The following NUP214 variants were observed in gnomAD, a reference collection of about 807,000 sequenced individuals.
NUP214 encodes the protein nuclear pore complex protein Nup214.
Under a neutral mutation model 196.2 loss-of-function variants are expected in NUP214, and 79 were observed. The observed-to-expected ratio is 0.40, with a 90% CI of 0.34 to 0.49. The LOEUF (loss-of-function observed/expected upper bound fraction) is 0.49, where lower values mean the gene tolerates loss of function less well. Ranked by LOEUF, NUP214 falls within the 20% of genes least tolerant of loss-of-function variation. NUP214 has a pLI of 0.58. For missense variants in NUP214, 2,468 were observed against 2,539.0 expected, an observed-to-expected ratio of 0.97 and a Z score of 0.60; for synonymous variants, 1,020 against 990.5, an observed-to-expected ratio of 1.03 and a Z score of -0.56.
intron 17 of NUP214, among the ~76,000 whole-genome samples, chr9:131,156,427 CGGCTGAGCATG>C (rs937038249): frequency 1.3e-5 from 2 of 151,588 alleles, no homozygotes; most frequent in African/African-American, 4.9e-5. Context: ...CCACTGCGCC[CGGCTGAGCATG>C]GGATGTATTT....
At position 131,144,522 on chromosome 9, in the gene NUP214, C is replaced by T. The variant is rs745754771; in HGVS notation, c.1537C>T (p.Pro513Ser). The change falls in exon 12 of 36, where the codon CCA (proline) becomes TCA (serine). Residue 513 changes from proline to serine, a missense_variant. Pro to Ser is a moderately conservative substitution (Grantham distance 74). Around this residue, in one of 5 missense-constraint regions of NUP214, gnomAD observed 1,801 missense variants for 1,779.4 expected, o/e 1.01. Coordinates refer to ENST00000359428, the MANE Select transcript of NUP214 (RefSeq NM_005085.4). ...SSGSDSSKAAPGPGPSTFSFV... is the reference protein window; with the variant it reads ...SSGSDSSKAASGPGPSTFSFV... Reference sequence around the variant, plus strand: ...TGGCTCCGACAGCTCCAAAGCAGCCCCAGGCCCTGGCCCATCAACCTTCTC... The same window carrying T: ...TGGCTCCGACAGCTCCAAAGCAGCCTCAGGCCCTGGCCCATCAACCTTCTC... 1 of 1,614,176 alleles carries T rather than the reference C, an allele frequency of 6.2e-7. No individual in the cohort carries two copies. The highest frequency in any genetic ancestry group is 1.1e-5 in the South Asian group (1 of 91,078).
chr9:131,146,365 A>T lies in NUP214; in HGVS notation c.1945+61A>T. ...CTGCCTTCTCAGATTAACGGTTTTA[A>T]GTGTTAAGAGTCGTAGCTAACATAG... On this transcript the variant is annotated intron_variant, in intron 13 of 35. Coordinates refer to ENST00000359428, the MANE Select transcript of NUP214 (RefSeq NM_005085.4). The surrounding 1 kb of genome is among the most constrained non-coding windows in gnomAD (Gnocchi z 4.6). The T allele has an allele frequency of 2.0e-6, 3 of 1,519,084 alleles. No homozygotes were observed. The highest frequency in any genetic ancestry group is 2.7e-6 in the Non-Finnish European group (3 of 1,101,404). 94.1% of individuals were successfully genotyped at this position (1,519,084 alleles called of 1,614,324 possible). A position where few individuals can be genotyped will look rare whatever the true frequency, so the allele number is the denominator to read the frequency against.
intron 30 of NUP214, among the ~76,000 whole-genome samples, chr9:131,204,039 C>T (rs1032502063): frequency 8.5e-5 from 13 of 152,126 alleles, no homozygotes; most frequent in African/African-American, 2.4e-4. Context: ...GCAGAGGCAG[C>T]GCAGGCCCAC....
At chr9:131,132,279 C>G (rs1239957907) in intron 5 of NUP214, among the ~76,000 whole-genome samples, 1 of 151,930 alleles carries the variant, frequency 6.6e-6, no homozygotes, top group Non-Finnish European at 1.5e-5. Context: ...CCACCACACC[C>G]AGCTATGTAT....
chr9:131,159,585 C>T (rs1832566343), intron 18 of NUP214, 99 bp downstream of exon 18: 9 of 986,426 alleles, frequency 9.1e-6, no homozygotes, highest in East Asian at 8.0e-5. Context: ...AGGCCGGGTG[C>T]GGTGGCTCAC....
intron 23 of NUP214, among the ~76,000 whole-genome samples, chr9:131,176,386 C>T (rs934438637): frequency 1.3e-5 from 2 of 151,000 alleles, no homozygotes; most frequent in Admixed American, 6.6e-5. Context: ...GACACTGGTG[C>T]GATCACGGCT....
Position 131,233,832 on chromosome 9 carries a change from G to A in NUP214, c.*345G>A, listed in dbSNP as rs913074214. ...AAGGATGGCATCAGAAGTCACCAGC[G>A]TCGGGTGTTGATAAACAGCATCGAA... On this transcript the variant is annotated 3_prime_UTR_variant, in exon 36 of 36. Transcript: ENST00000359428. 3.9e-5 allele frequency: 16 copies of A among 408,410 alleles called. No individual in the cohort carries two copies. The highest frequency in any genetic ancestry group is 1.6e-4 in the African/African-American group (8 of 49,780). The allele number at this position is 408,410 out of a possible 1,614,324, so 25.3% of individuals were successfully genotyped here. A position where few individuals can be genotyped will look rare whatever the true frequency, so the allele number is the denominator to read the frequency against.
intron 19 of NUP214, 94 bp downstream of exon 19, chr9:131,163,267 A>C: frequency 8.1e-7 from 1 of 1,234,310 alleles, no homozygotes; most frequent in Non-Finnish European, 1.1e-6. Context: ...TTTGCAAGTG[A>C]CTCTGTGTCT....
At position 131,232,295 on chromosome 9, in the gene NUP214, G is replaced by A. The variant is rs184491688; in HGVS notation, c.6226G>A (p.Gly2076Arg). The A allele has an allele frequency of 3.1e-6, 5 of 1,614,154 alleles. No individual in the cohort carries two copies. The African/African-American group carries it at 5.3e-5, about 17-fold the overall frequency. ...FGSGTGGFSFGSNNSSVQGFG... is the reference protein window; with the variant it reads ...FGSGTGGFSFRSNNSSVQGFG... Reference sequence around the variant, plus strand: ...ATTCTGCTTTTCAGGGTTCAGCTTTGGGTCAAATAACTCGTAAGTATCCCC... The same window carrying A: ...ATTCTGCTTTTCAGGGTTCAGCTTTAGGTCAAATAACTCGTAAGTATCCCC... The change falls in exon 35 of 36, where the codon GGG (glycine) becomes AGG (arginine). Residue 2076 changes from glycine (G) to arginine (R), a missense_variant. Around this residue, in one of 5 missense-constraint regions of NUP214, gnomAD observed 262 missense variants for 296.5 expected, o/e 0.88. Coordinates refer to ENST00000359428, the MANE Select transcript of NUP214 (RefSeq NM_005085.4). The surrounding 1 kb of genome is among the most constrained non-coding windows in gnomAD (Gnocchi z 5.1).
chr9:131,130,147 T>G (rs1288546824), intron 4 of NUP214, among the ~76,000 whole-genome samples: 15 of 109,640 alleles, frequency 1.4e-4, no homozygotes, highest in African/African-American at 5.1e-4. Flanking sequence ...GTTTTTTTTT[T>G]TTTGTTTTTT....
At chr9:131,229,675 G>A (rs769506622) in intron 33 of NUP214, 1 of 514,156 alleles carries the variant, frequency 1.9e-6, no homozygotes, top group South Asian at 1.4e-5. Flanking sequence ...CCCTGGCCAT[G>A]AGCCTGTCTC....
At chr9:131,220,755 A>G (rs1185374655) in intron 31 of NUP214, among the ~76,000 whole-genome samples, 2 of 152,188 alleles carry the variant, frequency 1.3e-5, no homozygotes, top group Non-Finnish European at 2.9e-5. Context: ...TGACACAGCT[A>G]TTAGGTAATC....
Position 131,147,539 on chromosome 9 carries a change from A to G in NUP214, c.1995A>G (p.Lys665=), listed in dbSNP as rs767358952. The change falls in exon 14 of 36, where the codon AAA becomes AAG. Residue 665 remains lysine, a synonymous_variant. Coordinates refer to ENST00000359428, the MANE Select transcript of NUP214 (RefSeq NM_005085.4). ...SSSPVPSMVQ[K]SPRITPPAAK... ...GCCCAGTGCCCTCAATGGTACAGAA[A>G]TCACCCAGGATAACCCCTCCAGCGG... 1.2e-6 allele frequency: 2 copies of G among 1,614,152 alleles called. No individual in the cohort carries two copies. Among genetic ancestry groups the G allele is most frequent in the East Asian group, 2.2e-5 (1 of 44,882 alleles).
At chr9:131,162,314 G>A (rs1022303619) in intron 18 of NUP214, among the ~76,000 whole-genome samples, 5 of 152,152 alleles carry the variant, frequency 3.3e-5, no homozygotes, top group African/African-American at 1.2e-4. Flanking sequence ...ACTGATGTGG[G>A]ATTATTCCTT....
chr9:131,230,978 T>C (rs1473321881), intron 34 of NUP214, among the ~76,000 whole-genome samples: 1 of 152,002 alleles, frequency 6.6e-6, no homozygotes, highest in African/African-American at 2.4e-5. Context: ...CTGGGCAACA[T>C]GGCAAGACTC....
chr9:131,208,747 G>A (rs1834154118), intron 30 of NUP214, among the ~76,000 whole-genome samples: 1 of 151,096 alleles, frequency 6.6e-6, no homozygotes, highest in Admixed American at 6.6e-5. Context: ...GCTGGGCATG[G>A]TGGCTCACAC....
chr9:131,149,278 T>A (rs1832181351), intron 14 of NUP214, among the ~76,000 whole-genome samples: 1 of 149,286 alleles, frequency 6.7e-6, no homozygotes, highest in South Asian at 2.2e-4. Context: ...TGATGCAGTC[T>A]AAGACCTCTC....
chr9:131,152,097 A>C (rs1458271305), intron 17 of NUP214, among the ~76,000 whole-genome samples: 2 of 151,878 alleles, frequency 1.3e-5, no homozygotes, highest in African/African-American at 4.9e-5. Context: ...TTTCACTTAA[A>C]ACATAGATTT....
At chr9:131,169,626 A>G (rs1279835707) in intron 21 of NUP214, among the ~76,000 whole-genome samples, 2 of 152,216 alleles carry the variant, frequency 1.3e-5, no homozygotes, top group African/African-American at 4.8e-5. Flanking sequence ...ACATTTCATC[A>G]TTGCAGAAAG....
Sources: gnomAD v4.1 joint callset for allele counts (sites outside exome capture counted in the v4.1 genomes callset) on GRCh38, gnomAD v4.1.1 for gene constraint, gnomAD v4.1.1 regional missense constraint, Gnocchi (gnomAD v3.1) non-coding constraint, MANE v1.5 for transcripts, NCBI Gene and HGNC (gene_info 2026-07-23, HGNC 2026-07-21) for gene names.